GPC5: variants seen among roughly 807,000 people sequenced by gnomAD.
GPC5 encodes glypican 5.
In GPC5, 47 loss-of-function variants were observed where a neutral mutation model predicts 53.9. That is an observed-to-expected ratio of 0.87 (90% CI 0.69 to 1.11). The LOEUF is 1.11. Ranked by LOEUF, GPC5 falls within the 50% of genes most tolerant of loss-of-function variation. The probability of loss-of-function intolerance (pLI) is 0.00; values close to 1 mark genes in which losing one functional copy is unlikely to be tolerated. For synonymous variants in GPC5, 286 were observed against 263.3 expected (o/e 1.09, Z -0.84); for missense variants, 748 against 713.1 (o/e 1.05, Z -0.56).
rs150341166 is a variant in GPC5, at chr13:92,753,705, C to G, written c.1562-112577C>G. On this transcript the variant is annotated intron_variant, in intron 7 of 7. Coordinates refer to ENST00000377067, the MANE Select transcript of GPC5 (RefSeq NM_004466.6). ...AATGCAGAAACCTCAGGAGCCGATG[C>G]GATCAACTGGAAGAAAGGTATCAGC... Among the ~76,000 whole-genome samples, 1,270 of 151,564 alleles carry G rather than the reference C, an allele frequency of 8.4e-3. 17 individuals carry two copies. Among genetic ancestry groups the G allele is most frequent in the African/African-American group, 0.03 (1,217 of 41,246 alleles).
intron 7 of GPC5, among the ~76,000 whole-genome samples, chr13:92,220,333 A>C (rs553960983): frequency 1.3e-5 from 2 of 152,294 alleles, no homozygotes; most frequent in African/African-American, 2.4e-5. Context: ...AAGAACAGAT[A>C]ATCTGAAACC....
chr13:91,412,989 A>T (rs994102476), intron 1 of GPC5, among the ~76,000 whole-genome samples: 3 of 152,218 alleles, frequency 2.0e-5, no homozygotes, highest in Non-Finnish European at 4.4e-5. Context: ...TGTATAAATA[A>T]CCAAAGTAGA....
intron 6 of GPC5, among the ~76,000 whole-genome samples, chr13:91,912,790 T>C (rs1163183896): frequency 6.6e-6 from 1 of 152,200 alleles, no homozygotes; most frequent in African/African-American, 2.4e-5. Flanking sequence ...TAAAATATTT[T>C]TGGCATCTTT....
chr13:92,166,895 G>A lies in GPC5; in HGVS notation c.1561+21906G>A, dbSNP rs116476411. On this transcript the variant is annotated intron_variant, in intron 7 of 7. Coordinates refer to ENST00000377067, the MANE Select transcript of GPC5 (RefSeq NM_004466.6). ...TGTTGGGAATATTGCAGTCTGATCT[G>A]TATCCAAAATAAGGCATAAGTCTCA... Among the ~76,000 whole-genome samples, 766 of 148,308 alleles carry A rather than the reference G, an allele frequency of 5.2e-3. 9 individuals are homozygous for A. The highest frequency in any genetic ancestry group is 0.018 in the African/African-American group (729 of 40,172).
intron 7 of GPC5, among the ~76,000 whole-genome samples, chr13:92,671,551 G>A (rs1886752339): frequency 6.6e-6 from 1 of 152,088 alleles, no homozygotes; most frequent in South Asian, 2.1e-4. Flanking sequence ...TTTTAAAGAG[G>A]GAATAGGTTA....
chr13:91,476,975 A>T (rs767725093), intron 2 of GPC5, among the ~76,000 whole-genome samples: 2 of 152,192 alleles, frequency 1.3e-5, no homozygotes, highest in Non-Finnish European at 2.9e-5. Flanking sequence ...GGACCCCCAC[A>T]CAGAAATTTT....
chr13:91,825,082 A>G (rs568056761), intron 5 of GPC5, among the ~76,000 whole-genome samples: 1 of 151,856 alleles, frequency 6.6e-6, no homozygotes, highest in African/African-American at 2.4e-5. Flanking sequence ...TAACATTTAG[A>G]GATTTAACAT....
intron 5 of GPC5, among the ~76,000 whole-genome samples, chr13:91,762,682 G>T (rs962451851): frequency 2.0e-5 from 3 of 149,750 alleles, no homozygotes; most frequent in African/African-American, 7.4e-5. Flanking sequence ...CATACCTATA[G>T]CCTATCATAT....
chr13:91,429,507 C>G (rs1879283166), intron 1 of GPC5, among the ~76,000 whole-genome samples: 1 of 151,978 alleles, frequency 6.6e-6, no homozygotes, highest in African/African-American at 2.4e-5. Flanking sequence ...CTAACATAGG[C>G]CCTCAGAAAA....
At position 91,969,914 on chromosome 13, in the gene GPC5, G is replaced by A. The variant is rs149298600; in HGVS notation, c.1401+61857G>A. ...AGAAAAGGGACCTCTTATACGCACT[G>A]TTCATGGAAATATAATTTGGTACAA... is the stretch of plus-strand genomic sequence containing the variant. On this transcript the variant is annotated intron_variant, in intron 6 of 7. Coordinates refer to ENST00000377067, the MANE Select transcript of GPC5 (RefSeq NM_004466.6). 2.0e-5 allele frequency among the ~76,000 whole-genome samples: 3 copies of A among 152,244 alleles called. No homozygotes were observed. The East Asian group carries it at 5.8e-4, about 29-fold the overall frequency.
intron 2 of GPC5, among the ~76,000 whole-genome samples, chr13:91,569,088 G>A (rs1269249587): frequency 6.6e-6 from 1 of 151,994 alleles, no homozygotes; most frequent in African/African-American, 2.4e-5. Flanking sequence ...TCCATGAAGT[G>A]TTATAACATG....
chr13:91,409,058 A>G (rs1877531774), intron 1 of GPC5, among the ~76,000 whole-genome samples: 1 of 152,208 alleles, frequency 6.6e-6, no homozygotes, highest in Non-Finnish European at 1.5e-5. Context: ...TAAATGGAAG[A>G]TTGTCAATAT....
At chr13:91,779,103 G>A (rs142390670) in intron 5 of GPC5, among the ~76,000 whole-genome samples, 5 of 152,250 alleles carry the variant, frequency 3.3e-5, no homozygotes, top group Middle Eastern at 3.4e-3. Flanking sequence ...TGAATGTGAA[G>A]GTCTAGGACA....
chr13:91,998,328 T>A (rs1165785067), intron 6 of GPC5, among the ~76,000 whole-genome samples: 1 of 152,240 alleles, frequency 6.6e-6, no homozygotes, highest in East Asian at 1.9e-4. Flanking sequence ...TTCAAGATTA[T>A]CTTGGCCTGA....
chr13:92,278,057 A>G (rs891038300), intron 7 of GPC5, among the ~76,000 whole-genome samples: 2 of 151,908 alleles, frequency 1.3e-5, no homozygotes, highest in African/African-American at 4.8e-5. Context: ...AGTTAACCAA[A>G]GATCCTAGCA....
intron 7 of GPC5, among the ~76,000 whole-genome samples, chr13:92,743,471 T>G (rs1309998175): frequency 6.6e-6 from 1 of 152,166 alleles, no homozygotes; most frequent in Non-Finnish European, 1.5e-5. Flanking sequence ...CCTAGCAGCT[T>G]AAGGAGATTT....
Position 92,037,499 on chromosome 13 carries a change from T to A in GPC5, c.1402-107331T>A, listed in dbSNP as rs192869331. On this transcript the variant is annotated intron_variant, in intron 6 of 7. Coordinates refer to ENST00000377067, the MANE Select transcript of GPC5 (RefSeq NM_004466.6). ...ATATATTGACCTTGATTTGTTTTCT[T>A]AATAGCATGTACTATTTCCTGATAT... is the stretch of plus-strand genomic sequence containing the variant. 3.3e-5 allele frequency among the ~76,000 whole-genome samples: 5 copies of A among 152,352 alleles called. No individual in the cohort carries two copies. In the East Asian group the frequency reaches 9.6e-4, roughly 29 times the overall value.
At chr13:92,223,470 A>C (rs1363611986) in intron 7 of GPC5, among the ~76,000 whole-genome samples, 1 of 152,190 alleles carries the variant, frequency 6.6e-6, no homozygotes, top group Admixed American at 6.5e-5. Flanking sequence ...TTAGGGAAAT[A>C]ATGCTGCTTT....
intron 5 of GPC5, among the ~76,000 whole-genome samples, chr13:91,800,427 A>G (rs2138773857): frequency 6.6e-6 from 1 of 151,636 alleles, no homozygotes; most frequent in South Asian, 2.1e-4. Flanking sequence ...CTAAAATAGT[A>G]AACATATGTC....
Sources: allele counts gnomAD v4.1 joint callset (sites outside exome capture counted in the v4.1 genomes callset), GRCh38; gene constraint gnomAD v4.1.1; transcripts MANE v1.5; gene names NCBI Gene and HGNC (gene_info 2026-07-23, HGNC 2026-07-21).